TUNAR: variants seen among roughly 807,000 people sequenced by gnomAD.
The protein encoded by TUNAR is transmembrane neural differentiation associated intracellular calcium regulator, also known as protein TUNAR.
chr14:95,908,103 G>T (rs1483957391), intron 2 of TUNAR, among the ~76,000 whole-genome samples: 1 of 152,204 alleles, frequency 6.6e-6, no homozygotes, highest in African/African-American at 2.4e-5. Context: ...CATTCCTAGG[G>T]ACCTGCCTGC....
chr14:95,877,057 G>T (rs1888896378), exon 2 of TUNAR: 1 of 152,264 alleles, frequency 6.6e-6, no homozygotes, highest in Non-Finnish European at 1.5e-5. Context: ...GGAGCCGGCG[G>T]CAGCCTCCTT....
intron 2 of TUNAR, among the ~76,000 whole-genome samples, chr14:95,883,729 C>T (rs1353748985): frequency 2.0e-5 from 3 of 151,946 alleles, no homozygotes; most frequent in Middle Eastern, 3.4e-3. Context: ...GCCACCCCCC[C>T]GCCGCCACTC....
intron 2 of TUNAR, among the ~76,000 whole-genome samples, chr14:95,906,974 G>A (rs1889435725): frequency 6.6e-6 from 1 of 152,178 alleles, no homozygotes; most frequent in Non-Finnish European, 1.5e-5. Flanking sequence ...TTGCATAAGT[G>A]AGCAGATGCA....
intron 2 of TUNAR, among the ~76,000 whole-genome samples, chr14:95,886,616 G>A (rs1335245964): frequency 6.6e-6 from 1 of 152,232 alleles, no homozygotes; most frequent in African/African-American, 2.4e-5. Context: ...TCCTCTGGAG[G>A]GTTCCCTGCC....
At chr14:95,900,516 G>T (rs2139662230) in intron 2 of TUNAR, among the ~76,000 whole-genome samples, 1 of 152,348 alleles carries the variant, frequency 6.6e-6, no homozygotes, top group South Asian at 2.1e-4. Flanking sequence ...GGCCCCAGTT[G>T]GTGGGAGTCC....
intron 2 of TUNAR, among the ~76,000 whole-genome samples, chr14:95,902,479 C>T (rs1889369723): frequency 6.6e-6 from 1 of 152,210 alleles, no homozygotes; most frequent in Admixed American, 6.5e-5. Context: ...TTGATGGGTG[C>T]AGCCCGCCAA....
chr14:95,910,850 A>C (rs967988681), intron 2 of TUNAR, among the ~76,000 whole-genome samples: 1 of 152,196 alleles, frequency 6.6e-6, no homozygotes, highest in African/African-American at 2.4e-5. Flanking sequence ...CTCCCAGCTC[A>C]TTTCCTGAAA....
intron 2 of TUNAR, among the ~76,000 whole-genome samples, chr14:95,916,895 CTGTTTACTCTTT>C (rs528619216): frequency 6.6e-6 from 1 of 152,278 alleles, no homozygotes; most frequent in African/African-American, 2.4e-5. Context: ...TTCTTTACGG[CTGTTTACTCTTT>C]TGTAAACCAT....
In TUNAR at chr14:95,901,913, A is replaced by T. The variant is rs114472203; in HGVS notation, c.13-20868A>T. Among the ~76,000 whole-genome samples, 747 of 152,306 alleles carry T rather than the reference A, an allele frequency of 4.9e-3. 5 individuals are homozygous for T. Among genetic ancestry groups the T allele is most frequent in the African/African-American group, 0.017 (719 of 41,552 alleles). On this transcript the variant is annotated intron_variant, in intron 2 of 2. Transcript: ENST00000678517. ...GCTGCAGGGACACGGTATCTGAGCA[A>T]TCTGAATGCTGTGATGGAGCCAGCC...
At chr14:95,878,981 TAA>T (rs138022400) in intron 2 of TUNAR, among the ~76,000 whole-genome samples, 2,973 of 152,254 alleles carry the variant, frequency 0.02, 99 homozygotes, top group African/African-American at 0.068. Context: ...TGCAAATAAA[TAA>T]AGTGATTTTT....
At chr14:95,885,844 A>G (rs1889067715) in intron 2 of TUNAR, among the ~76,000 whole-genome samples, 1 of 152,184 alleles carries the variant, frequency 6.6e-6, no homozygotes, top group Non-Finnish European at 1.5e-5. Flanking sequence ...TCAAGAAGAA[A>G]TACTGTGTGG....
At chr14:95,886,376 G>A (rs796205139) in intron 2 of TUNAR, among the ~76,000 whole-genome samples, 10 of 152,352 alleles carry the variant, frequency 6.6e-5, no homozygotes, top group African/African-American at 1.7e-4. Flanking sequence ...ATGAAGAAGG[G>A]AAGAGTGTCT....
intron 2 of TUNAR, among the ~76,000 whole-genome samples, chr14:95,897,192 C>T (rs890518161): frequency 2.6e-5 from 4 of 152,150 alleles, no homozygotes; most frequent in Non-Finnish European, 5.9e-5. Context: ...AACTTTGTCC[C>T]CACTTTGTGT....
At chr14:95,883,623 G>C (rs1252447183) in intron 2 of TUNAR, among the ~76,000 whole-genome samples, 1 of 152,206 alleles carries the variant, frequency 6.6e-6, no homozygotes, top group Non-Finnish European at 1.5e-5. Context: ...GGATTTAGCT[G>C]TTGCATACTT....
intron 2 of TUNAR, among the ~76,000 whole-genome samples, chr14:95,915,587 G>A (rs545271224): frequency 6.6e-6 from 1 of 152,344 alleles, no homozygotes; most frequent in East Asian, 1.9e-4. Flanking sequence ...CATGAATGCT[G>A]GTTAGGCCCA....
At chr14:95,913,414 G>A (rs1307739340) in intron 2 of TUNAR, among the ~76,000 whole-genome samples, 1 of 152,052 alleles carries the variant, frequency 6.6e-6, no homozygotes, top group Non-Finnish European at 1.5e-5. Context: ...GAGAACATGC[G>A]GCGTTTGGTT....
At chr14:95,924,146 T>C (rs1889744808) in exon 3 of TUNAR, 1 of 152,188 alleles carries the variant, frequency 6.6e-6, no homozygotes. Flanking sequence ...CTCCTTCCTT[T>C]GCAAGATACC....
chr14:95,891,367 C>G (rs1302189887), intron 2 of TUNAR, among the ~76,000 whole-genome samples: 1 of 152,116 alleles, frequency 6.6e-6, no homozygotes, highest in African/African-American at 2.4e-5. Flanking sequence ...TGGAGAAAAC[C>G]ACTGGCTTTT....
intron 2 of TUNAR, among the ~76,000 whole-genome samples, chr14:95,893,459 T>C (rs1042679985): frequency 2.0e-5 from 3 of 152,120 alleles, no homozygotes; most frequent in Non-Finnish European, 4.4e-5. Flanking sequence ...CCTCACTCCT[T>C]ATGGCTCTAA....
Sources: allele counts gnomAD v4.1 joint callset (sites outside exome capture counted in the v4.1 genomes callset), GRCh38; gene constraint gnomAD v4.1.1; transcripts MANE v1.5; gene names NCBI Gene and HGNC (gene_info 2026-07-23, HGNC 2026-07-21).